Variants in TXLNA observed in about 807,000 individuals in gnomAD.
TXLNA encodes the protein taxilin alpha, also known as alpha-taxilin.
A neutral mutation model predicts 61.4 loss-of-function variants in TXLNA; 9 were observed. The observed-to-expected ratio is 0.15, with a 90% CI of 0.09 to 0.26. The LOEUF is 0.26. Ranked by LOEUF, TXLNA falls within the 10% of genes least tolerant of loss-of-function variation. TXLNA has a pLI of 1.00. For missense variants in TXLNA, 565 were observed against 688.8 expected (o/e 0.82, Z 2.01); for synonymous variants, 257 against 267.7 (o/e 0.96, Z 0.39).
intron 3 of TXLNA, 56 bp from the exon 4 acceptor site, chr1:32,184,469 G>T: frequency 8.4e-7 from 1 of 1,193,154 alleles, no homozygotes; most frequent in Admixed American, 1.7e-5. Context: ...GTGAGCCCAG[G>T]CCTGGAGGGG....
chr1:32,192,295 A>C lies in TXLNA; in HGVS notation c.964-16A>C, dbSNP rs746498464. 6 of 1,612,718 alleles carry C rather than the reference A, an allele frequency of 3.7e-6. No homozygotes were observed. In the Admixed American group the frequency reaches 1.0e-4, roughly 27 times the overall value. On this transcript the variant is annotated splice_polypyrimidine_tract_variant and intron_variant, in intron 6 of 10. Transcript: ENST00000373610. This position sits in a 1 kb window ranked among gnomAD's most constrained non-coding sequence, Gnocchi z 4.2. ...AGCGCCTGACAAGCCGACTGCTCCC[A>C]CCATCTTTGTTGCAGCATATCGACA...
intron 6 of TXLNA, among the ~76,000 whole-genome samples, chr1:32,190,922 G>A (rs572543386): frequency 6.6e-6 from 1 of 152,218 alleles, no homozygotes; most frequent in East Asian, 1.9e-4. Context: ...GTGAAACCCT[G>A]TCTCTACTAA....
chr1:32,185,558 A>AT (rs755164801), intron 4 of TXLNA, among the ~76,000 whole-genome samples: 1,129 of 82,762 alleles, frequency 0.014, 12 homozygotes, highest in African/African-American at 0.027. Context: ...ATGCTAGGCT[A>AT]TTTTTTTTTT....
rs1642981096 is a variant in TXLNA at position 32,194,802 on chromosome 1, C to T, written c.1348-100C>T. On this transcript the variant is annotated intron_variant, in intron 10 of 10. Transcript: ENST00000373610. ...TCCTAGAGGGGGCCAGCTTTGGACT[C>T]GGTCTGCTCTCAGCCTTGTTAAAGT... is the stretch of plus-strand genomic sequence containing the variant. The T allele has an allele frequency of 1.6e-5, 23 of 1,403,240 alleles. No individual in the cohort carries two copies. The South Asian group carries it at 2.0e-4, about 12-fold the overall frequency. 86.9% of individuals were successfully genotyped at this position (1,403,240 alleles called of 1,614,324 possible).
At chr1:32,191,512 A>C (rs1027352076) in intron 6 of TXLNA, among the ~76,000 whole-genome samples, 1 of 152,060 alleles carries the variant, frequency 6.6e-6, no homozygotes, top group Non-Finnish European at 1.5e-5. Context: ...GGGCCACTAC[A>C]GTGAGACACG....
intron 6 of TXLNA, among the ~76,000 whole-genome samples, chr1:32,191,209 G>A (rs567728143): frequency 6.6e-5 from 10 of 152,120 alleles, no homozygotes; most frequent in East Asian, 1.9e-4. Context: ...TTCTGGGCGC[G>A]TTCTCATCAT....
rs1292168364 is a variant in TXLNA, at chr1:32,195,543, C to CAG, written c.*348_*349insAG. The CAG allele has an allele frequency of 4.6e-6, 2 of 432,810 alleles. No individual in the cohort carries two copies. The highest frequency in any genetic ancestry group is 8.7e-6 in the Non-Finnish European group (2 of 230,762). 26.8% of individuals were successfully genotyped at this position (432,810 alleles called of 1,614,324 possible). A position where few individuals can be genotyped will look rare whatever the true frequency, so the allele number is the denominator to read the frequency against. ...TGGCAGAAGTGACTTGAGCATTTCTCTGTCTGATTTGAGGCTCAGACCCCT... is the reference window on the plus strand; with the variant it reads ...TGGCAGAAGTGACTTGAGCATTTCTCAGTGTCTGATTTGAGGCTCAGACCCCT... On this transcript the variant is annotated 3_prime_UTR_variant, in exon 11 of 11. Transcript: ENST00000373610.
At chr1:32,183,533 TC>T (rs1642715823) in intron 3 of TXLNA, among the ~76,000 whole-genome samples, 1 of 144,014 alleles carries the variant, frequency 6.9e-6, no homozygotes, top group African/African-American at 2.6e-5. Flanking sequence ...TTCACGCCAT[TC>T]TCCTGCCTCA....
At position 32,195,399 on chromosome 1, in the gene TXLNA, G is replaced by C. The variant is rs1371380208; in HGVS notation, c.*204G>C. 5.0e-6 allele frequency: 3 copies of C among 603,184 alleles called. No homozygotes were observed. The highest frequency in any genetic ancestry group is 3.7e-5 in the African/African-American group (2 of 53,926). 37.4% of individuals were successfully genotyped at this position (603,184 alleles called of 1,614,324 possible). A position where few individuals can be genotyped will look rare whatever the true frequency, so the allele number is the denominator to read the frequency against. The stretch of plus-strand genomic sequence containing the variant: ...AGGCCTTGCAAATGCATTTATACCT[G>C]TAAGTGTACAGTGGGCTTGCATTGG... On this transcript the variant is annotated 3_prime_UTR_variant, in exon 11 of 11. Coordinates refer to ENST00000373610, the MANE Select transcript of TXLNA (RefSeq NM_175852.4).
In TXLNA at chr1:32,195,189, G is replaced by A; in HGVS notation, c.1635G>A (p.Arg545=). ...QTGPQEPTSA[R]A is the part of the protein sequence containing the mutation. ...GGCCTCAAGAGCCCACCTCCGCCAG[G>A]GCCTAGAGAGCCTGGTGTTGGGTCA... The change falls in exon 11 of 11, where the codon AGG becomes AGA. Residue 545 remains arginine (R), a synonymous_variant. Transcript: ENST00000373610. 1 of 1,586,492 alleles carries A rather than the reference G, an allele frequency of 6.3e-7. No individual in the cohort carries two copies. The highest frequency in any genetic ancestry group is 2.2e-5 in the East Asian group (1 of 44,680).
At position 32,195,200 on chromosome 1, in the gene TXLNA, C is replaced by T; in HGVS notation, c.*5C>T. On this transcript the variant is annotated 3_prime_UTR_variant, in exon 11 of 11. Transcript: ENST00000373610. Reference sequence around the variant, plus strand: ...CCCACCTCCGCCAGGGCCTAGAGAGCCTGGTGTTGGGTCATGCTGGGAAGG... The same window carrying T: ...CCCACCTCCGCCAGGGCCTAGAGAGTCTGGTGTTGGGTCATGCTGGGAAGG... 1 of 1,576,340 alleles carries T rather than the reference C, an allele frequency of 6.3e-7. No individual in the cohort carries two copies. Among genetic ancestry groups the T allele is most frequent in the Non-Finnish European group, 8.6e-7 (1 of 1,163,340 alleles).
At chr1:32,187,514 C>T (rs1029414154) in intron 4 of TXLNA, among the ~76,000 whole-genome samples, 1 of 151,990 alleles carries the variant, frequency 6.6e-6, no homozygotes, top group Non-Finnish European at 1.5e-5. Context: ...TTGGGGAGAG[C>T]GCTGATGAAC....
chr1:32,180,756 G>A (rs1160983989), intron 2 of TXLNA, among the ~76,000 whole-genome samples: 2 of 152,238 alleles, frequency 1.3e-5, no homozygotes, highest in South Asian at 2.1e-4. Context: ...AGCCAAACGA[G>A]GCACCCAGTC....
chr1:32,194,422 T>G (rs1168197036), intron 10 of TXLNA, among the ~76,000 whole-genome samples: 1 of 152,212 alleles, frequency 6.6e-6, no homozygotes, highest in African/African-American at 2.4e-5. Context: ...GTGATGTGCC[T>G]GGTTTACATG....
intron 4 of TXLNA, among the ~76,000 whole-genome samples, chr1:32,185,958 A>G (rs1303698031): frequency 6.6e-6 from 1 of 152,080 alleles, no homozygotes; most frequent in Non-Finnish European, 1.5e-5. Flanking sequence ...TCAGCCTCCC[A>G]AAGTGCTGGG....
Position 32,190,357 on chromosome 1 carries a change from T to C in TXLNA, c.963+108T>C, listed in dbSNP as rs895671497. ...AGGCTTCATCCCATTCTCCCTTTCT[T>C]CCTCCTCCTCCTCCTTGGGAGGAGA... On this transcript the variant is annotated intron_variant, in intron 6 of 10. Transcript: ENST00000373610. 9.9e-6 allele frequency: 7 copies of C among 705,482 alleles called. No homozygotes were observed. The East Asian group carries it at 3.7e-4, about 37-fold the overall frequency. 43.7% of individuals were successfully genotyped at this position (705,482 alleles called of 1,614,324 possible).
At chr1:32,187,683 G>A (rs1642816624) in intron 4 of TXLNA, among the ~76,000 whole-genome samples, 3 of 152,336 alleles carry the variant, frequency 2.0e-5, no homozygotes, top group South Asian at 4.1e-4. Context: ...CAGAGTCAGA[G>A]CTGGAATAGG....
chr1:32,195,853 C>T lies in TXLNA; in HGVS notation c.*658C>T. The stretch of plus-strand genomic sequence containing the variant: ...CCCCTGCCCTTTGGTAGTGCCAGGA[C>T]CAGGCCAATGATGCTTCTCAGTAGC... On this transcript the variant is annotated 3_prime_UTR_variant, in exon 11 of 11. Transcript: ENST00000373610. The T allele has an allele frequency of 2.2e-6, 1 of 452,056 alleles. No individual in the cohort carries two copies. The highest frequency in any genetic ancestry group is 4.4e-6 in the Non-Finnish European group (1 of 224,726). The allele number at this position is 452,056 out of a possible 1,614,324, so 28.0% of individuals were successfully genotyped here.
At chr1:32,190,573 G>A (rs1447147232) in intron 6 of TXLNA, among the ~76,000 whole-genome samples, 1 of 152,180 alleles carries the variant, frequency 6.6e-6, no homozygotes, top group Non-Finnish European at 1.5e-5. Flanking sequence ...GCAGGGCCTT[G>A]GGGAAGCCAG....
Sources: allele counts gnomAD v4.1 joint callset (sites outside exome capture counted in the v4.1 genomes callset), GRCh38; gene constraint gnomAD v4.1.1; non-coding constraint Gnocchi (gnomAD v3.1); transcripts MANE v1.5; gene names NCBI Gene and HGNC (gene_info 2026-07-23, HGNC 2026-07-21).